GPHN: variants seen among roughly 807,000 people sequenced by gnomAD.
GPHN encodes gephyrin.
A neutral mutation model predicts 95.5 loss-of-function variants in GPHN; 17 were observed. That is an observed-to-expected ratio of 0.18 (90% confidence interval 0.12 to 0.27). The LOEUF (loss-of-function observed/expected upper bound fraction) is 0.27, where lower values mean the gene tolerates loss of function less well. Among genes scored for constraint, GPHN ranks in the 10% least tolerant of loss-of-function variants. The pLI is 1.00. For synonymous variants in GPHN, 320 were observed against 322.5 expected (o/e 0.99, Z 0.08); for missense variants, 660 against 978.1 (o/e 0.67, Z 4.34).
chr14:66,657,157 G>A (rs1330531555), intron 1 of GPHN, among the ~76,000 whole-genome samples: 3 of 152,190 alleles, frequency 2.0e-5, no homozygotes, highest in Non-Finnish European at 4.4e-5. Context: ...TAGCAGTCTG[G>A]CTAGATTGGA....
In GPHN at chr14:67,056,811, T is replaced by TGG. The variant is rs113249755; in HGVS notation, c.1007-1830_1007-1829dup. 2.9e-3 allele frequency among the ~76,000 whole-genome samples: 297 copies of TGG among 103,890 alleles called. 1 individual carries two copies. Among genetic ancestry groups the TGG allele is most frequent in the African/African-American group, 9.4e-3 (275 of 29,348 alleles). 68.2% of individuals were successfully genotyped at this position (103,890 alleles called of 152,430 possible). On this transcript the variant is annotated intron_variant, in intron 10 of 22. Transcript: ENST00000478722. ...TCGTGGCAGGAGCCCACAGTGGGGG[T>TGG]GGGGGGGGGTCACTCAGGCATGGCG...
intron 3 of GPHN, among the ~76,000 whole-genome samples, chr14:66,815,587 A>G (rs561137790): frequency 1.3e-5 from 2 of 152,338 alleles, no homozygotes; most frequent in South Asian, 4.1e-4. Context: ...AGGAGAAACA[A>G]GATCCTTTTC....
At chr14:66,694,794 A>G (rs974775025) in intron 2 of GPHN, among the ~76,000 whole-genome samples, 3 of 152,234 alleles carry the variant, frequency 2.0e-5, no homozygotes, top group Admixed American at 2.0e-4. Context: ...AATATTTTCA[A>G]AAGACGCATC....
At chr14:66,634,123 G>A (rs895337068) in intron 1 of GPHN, among the ~76,000 whole-genome samples, 6 of 151,856 alleles carry the variant, frequency 4.0e-5, no homozygotes, top group Admixed American at 6.6e-5. Context: ...TTTCTTTGGG[G>A]TCTGTTACTG....
the GPHN span, among the ~76,000 whole-genome samples, chr14:67,568,211 T>C: frequency 6.6e-6 from 1 of 151,990 alleles, no homozygotes; most frequent in Admixed American, 6.5e-5. Flanking sequence ...CCATCAATGG[T>C]AGACTGGATA....
At chr14:66,912,499 T>C (rs1034180791) in intron 5 of GPHN, among the ~76,000 whole-genome samples, 3 of 152,206 alleles carry the variant, frequency 2.0e-5, no homozygotes, top group African/African-American at 7.2e-5. Flanking sequence ...CTATGTAACA[T>C]GCTGAATCAG....
chr14:67,550,646 C>A, the GPHN span, among the ~76,000 whole-genome samples: 2 of 152,124 alleles, frequency 1.3e-5, no homozygotes, highest in Non-Finnish European at 2.9e-5. Context: ...CCACTTACTG[C>A]TATAGAAAAT....
the GPHN span, among the ~76,000 whole-genome samples, chr14:67,547,923 C>T: frequency 6.6e-6 from 1 of 152,196 alleles, no homozygotes; most frequent in East Asian, 1.9e-4. Context: ...TGTGCCTTTG[C>T]TGTTACACCT....
At chr14:66,728,686 C>T (rs978669976) in intron 2 of GPHN, among the ~76,000 whole-genome samples, 3 of 152,206 alleles carry the variant, frequency 2.0e-5, no homozygotes, top group Non-Finnish European at 4.4e-5. Flanking sequence ...TACCTGTACC[C>T]TCATTGTATC....
At chr14:66,617,458 T>C (rs2063098287) in intron 1 of GPHN, among the ~76,000 whole-genome samples, 1 of 152,024 alleles carries the variant, frequency 6.6e-6, no homozygotes, top group Non-Finnish European at 1.5e-5. Flanking sequence ...ATGGGGAGGG[T>C]GTTCCCCTGC....
At chr14:67,567,586 C>T in the GPHN span, among the ~76,000 whole-genome samples, 1 of 152,042 alleles carries the variant, frequency 6.6e-6, no homozygotes, top group South Asian at 2.1e-4. Flanking sequence ...CCCTCCTTGG[C>T]ATCCTTCCTC....
chr14:67,519,714 G>GTT, the GPHN span, among the ~76,000 whole-genome samples: 1,351 of 145,046 alleles, frequency 9.3e-3, 23 homozygotes, highest in African/African-American at 0.031. Context: ...CTGTAAGTTT[G>GTT]TTTTTTTTTT....
intron 10 of GPHN, among the ~76,000 whole-genome samples, chr14:67,058,400 G>A (rs549908858): frequency 1.3e-5 from 2 of 152,314 alleles, no homozygotes; most frequent in East Asian, 3.9e-4. Context: ...CTTTGGGGTA[G>A]TGCCTTTAAG....
the GPHN span, among the ~76,000 whole-genome samples, chr14:67,478,720 G>A: frequency 5.9e-5 from 9 of 152,166 alleles, no homozygotes; most frequent in East Asian, 9.7e-4. Context: ...ACCCAGGGCC[G>A]GTGAACCCTC....
At chr14:67,385,551 AATTC>A in the GPHN span, 1 of 152,218 alleles carries the variant, frequency 6.6e-6, no homozygotes, top group Non-Finnish European at 1.5e-5. Context: ...AGTGGCTATC[AATTC>A]ATATAGCTGA....
At chr14:66,859,815 A>G (rs551224723) in intron 4 of GPHN, among the ~76,000 whole-genome samples, 1 of 152,214 alleles carries the variant, frequency 6.6e-6, no homozygotes, top group African/African-American at 2.4e-5. Flanking sequence ...AATTCTAGAC[A>G]TGGAAAATGC....
intron 6 of GPHN, among the ~76,000 whole-genome samples, chr14:66,920,883 A>G (rs2066181412): frequency 6.6e-6 from 1 of 152,196 alleles, no homozygotes; most frequent in African/African-American, 2.4e-5. Flanking sequence ...TTCACTTAGA[A>G]TAATAGTCTG....
the GPHN span, among the ~76,000 whole-genome samples, chr14:67,609,365 A>G: frequency 2.0e-5 from 3 of 152,220 alleles, no homozygotes; most frequent in African/African-American, 7.2e-5. Context: ...TCCTGAGCTC[A>G]GGCGCTTTTG....
rs187313818 is a variant in GPHN, at chr14:66,642,812, T to C, written c.65-38295T>C. Among the ~76,000 whole-genome samples, 307 of 152,186 alleles carry C rather than the reference T, an allele frequency of 2.0e-3. 2 individuals are homozygous for C. The highest frequency in any genetic ancestry group is 1.8e-3 in the Non-Finnish European group (122 of 67,990). On this transcript the variant is annotated intron_variant, in intron 1 of 22. Coordinates refer to ENST00000478722, the MANE Select transcript of GPHN (RefSeq NM_020806.5). ...CAATTCAATATCCTTATAGAAAATA[T>C]GCTTATTGACATACATAAAAATCCA...
Sources: gnomAD v4.1 joint callset for allele counts (sites outside exome capture counted in the v4.1 genomes callset) on GRCh38, gnomAD v4.1.1 for gene constraint, MANE v1.5 for transcripts, NCBI Gene and HGNC (gene_info 2026-07-23, HGNC 2026-07-21) for gene names.